The following EYA1 variants were observed in gnomAD, a reference collection of about 807,000 sequenced individuals.
EYA1 encodes protein phosphatase EYA1.
Under a neutral mutation model 82.0 loss-of-function variants are expected in EYA1, and 16 were observed. The observed-to-expected ratio is 0.20, with a 90% CI of 0.13 to 0.30. The LOEUF is 0.30. Ranked by LOEUF, EYA1 falls within the 10% of genes least tolerant of loss-of-function variation. The pLI is 1.00. For missense variants in EYA1, 633 were observed against 730.7 expected (o/e 0.87, Z 1.54); for synonymous variants, 261 against 264.4 (o/e 0.99, Z 0.12).
intron 2 of EYA1, among the ~76,000 whole-genome samples, chr8:71,471,499 T>G (rs1231032357): frequency 6.6e-6 from 1 of 152,068 alleles, no homozygotes; most frequent in Non-Finnish European, 1.5e-5. Context: ...ATAGGACATC[T>G]ATATGTAGAT....
chr8:71,262,040 G>A (rs1373143152), intron 11 of EYA1, among the ~76,000 whole-genome samples: 1 of 152,172 alleles, frequency 6.6e-6, no homozygotes, highest in East Asian at 1.9e-4. Context: ...CATGCCCACA[G>A]AACGAAATCC....
intron 12 of EYA1, among the ~76,000 whole-genome samples, chr8:71,220,911 G>C (rs1809822354): frequency 6.6e-6 from 1 of 152,202 alleles, no homozygotes; most frequent in African/African-American, 2.4e-5. Context: ...CAAGGAGCAG[G>C]CTTTGCCAAG....
intron 2 of EYA1, among the ~76,000 whole-genome samples, chr8:71,455,247 A>C (rs1035999647): frequency 5.3e-5 from 8 of 152,182 alleles, no homozygotes; most frequent in African/African-American, 1.9e-4. Context: ...GAGGTTCTTA[A>C]ATTGAGGCAA....
rs1806579055 is a variant in EYA1 at position 71,198,854 on chromosome 8, G to T, written c.*486C>A. The T allele has an allele frequency of 6.2e-6, 1 of 160,912 alleles. No individual in the cohort carries two copies. Among genetic ancestry groups the T allele is most frequent in the Non-Finnish European group, 1.4e-5 (1 of 72,742 alleles). 10.0% of individuals were successfully genotyped at this position (160,912 alleles called of 1,614,324 possible). A position where few individuals can be genotyped will look rare whatever the true frequency, so the allele number is the denominator to read the frequency against. On this transcript the variant is annotated 3_prime_UTR_variant, in exon 18 of 18. Coordinates refer to ENST00000340726, the MANE Select transcript of EYA1 (RefSeq NM_000503.6). ...TTTTTTATCTTTTTAAAAAAAGTCT[G>T]TTCATAAATAAGTAGAGATGTACAG...
chr8:71,294,254 T>C (rs1369330289), intron 9 of EYA1, among the ~76,000 whole-genome samples: 1 of 151,964 alleles, frequency 6.6e-6, no homozygotes, highest in Non-Finnish European at 1.5e-5. Flanking sequence ...GGTCAGGAGA[T>C]CGAGACCATC....
At chr8:71,484,113 C>T (rs1810382595) in intron 2 of EYA1, among the ~76,000 whole-genome samples, 1 of 152,144 alleles carries the variant, frequency 6.6e-6, no homozygotes, top group Non-Finnish European at 1.5e-5. Flanking sequence ...GCAGGATAGC[C>T]CTCCTTTGTA....
Position 71,360,566 on chromosome 8 carries a change from A to T in EYA1, c.-55+1081T>A, listed in dbSNP as rs558412789. ...TCCATGGCTGCTTGCTCACTTACTG[A>T]ACACTTTGGGCCTTGGGAGAACTCA... On this transcript the variant is annotated intron_variant, in intron 1 of 17. Coordinates refer to ENST00000340726, the MANE Select transcript of EYA1 (RefSeq NM_000503.6). Among the ~76,000 whole-genome samples, 233 of 152,312 alleles carry T rather than the reference A, an allele frequency of 1.5e-3. 1 individual carries two copies. Among genetic ancestry groups the T allele is most frequent in the African/African-American group, 5.3e-3 (222 of 41,566 alleles).
intron 2 of EYA1, among the ~76,000 whole-genome samples, chr8:71,396,238 A>G (rs2129119805): frequency 6.6e-6 from 1 of 152,108 alleles, no homozygotes; most frequent in African/African-American, 2.4e-5. Flanking sequence ...TTTTCAAAAA[A>G]CCAGCTCCTG....
intron 2 of EYA1, among the ~76,000 whole-genome samples, chr8:71,489,108 T>C (rs1317937926): frequency 6.6e-6 from 1 of 152,206 alleles, no homozygotes; most frequent in African/African-American, 2.4e-5. Context: ...TGGTATGTTT[T>C]TATGTGACGG....
At chr8:71,322,972 A>T (rs897735775) in intron 4 of EYA1, among the ~76,000 whole-genome samples, 2 of 152,140 alleles carry the variant, frequency 1.3e-5, no homozygotes, top group Non-Finnish European at 2.9e-5. Flanking sequence ...TTAAGCATTC[A>T]AGCAGAACTT....
Position 71,368,375 on chromosome 8 carries a change from G to A in EYA1, c.34-11864C>T, listed in dbSNP as rs540127967. ...AAGCCCCCATTAGCTTTGGCCTCTCGGGATTGCTGTTCACTTTCCTTCCTG... is the reference window on the plus strand; with the variant it reads ...AAGCCCCCATTAGCTTTGGCCTCTCAGGATTGCTGTTCACTTTCCTTCCTG... On this transcript the variant is annotated intron_variant, in intron 2 of 18. Transcript: ENST00000643681. 9.5e-4 allele frequency among the ~76,000 whole-genome samples: 144 copies of A among 152,106 alleles called. 1 individual carries two copies. The highest frequency in any genetic ancestry group is 1.7e-3 in the Non-Finnish European group (113 of 67,996).
chr8:71,407,332 GGAACGCA>G (rs1419054356), intron 2 of EYA1, among the ~76,000 whole-genome samples: 2 of 124,788 alleles, frequency 1.6e-5, no homozygotes. Flanking sequence ...CTCCTCCAAA[GGAACGCA>G]GTTCCTCACC....
intron 12 of EYA1, among the ~76,000 whole-genome samples, chr8:71,218,387 A>T (rs1024048970): frequency 1.3e-5 from 2 of 152,060 alleles, no homozygotes; most frequent in African/African-American, 4.8e-5. Context: ...GGAAGGGAGG[A>T]GGAGATAGAA....
intron 3 of EYA1, among the ~76,000 whole-genome samples, chr8:71,351,391 ATT>A (rs1284099275): frequency 1.3e-5 from 2 of 152,180 alleles, no homozygotes; most frequent in African/African-American, 4.8e-5. Flanking sequence ...TCAAGCATTC[ATT>A]TATGCTACTA....
chr8:71,469,957 T>C (rs1809062383), intron 2 of EYA1, among the ~76,000 whole-genome samples: 1 of 152,104 alleles, frequency 6.6e-6, no homozygotes, highest in African/African-American at 2.4e-5. Flanking sequence ...GCTGTTCCCC[T>C]TCTGGAGGTT....
intron 7 of EYA1, among the ~76,000 whole-genome samples, chr8:71,312,635 G>T (rs1019426320): frequency 2.0e-5 from 3 of 151,988 alleles, no homozygotes; most frequent in African/African-American, 7.2e-5. Context: ...ACGGGGTTTT[G>T]CCATGTTGGC....
At chr8:71,523,837 C>T (rs1813623378) in intron 2 of EYA1, among the ~76,000 whole-genome samples, 1 of 151,954 alleles carries the variant, frequency 6.6e-6, no homozygotes. Context: ...TTTGAGATAC[C>T]ATATTTTAGA....
rs182898517 is a variant in EYA1 at position 71,497,661 on chromosome 8, G to T, written c.33+38083C>A. On this transcript the variant is annotated intron_variant, in intron 2 of 18. Coordinates refer to the EYA1 transcript ENST00000643681. ...AACCATTATGGAAAACACTAAGGAG[G>T]TTCCTCAAAAAATTAAAAACAGAAC... 3.7e-3 allele frequency among the ~76,000 whole-genome samples: 560 copies of T among 152,092 alleles called. 4 individuals carry two copies. The highest frequency in any genetic ancestry group is 0.013 in the African/African-American group (528 of 41,470).
chr8:71,431,015 A>C (rs1425548369), intron 2 of EYA1, among the ~76,000 whole-genome samples: 3 of 152,084 alleles, frequency 2.0e-5, no homozygotes, highest in Non-Finnish European at 2.9e-5. Context: ...ACTTTCTAGG[A>C]TATAAGAGGG....
Sources: gnomAD v4.1 joint callset for allele counts (sites outside exome capture counted in the v4.1 genomes callset) on GRCh38, gnomAD v4.1.1 for gene constraint, MANE v1.5 for transcripts, NCBI Gene and HGNC (gene_info 2026-07-23, HGNC 2026-07-21) for gene names.